Variants in MAP2K2 observed in about 807,000 individuals in gnomAD.
The protein encoded by MAP2K2 is dual specificity mitogen-activated protein kinase kinase 2.
In MAP2K2, 24 loss-of-function variants were observed where a neutral mutation model predicts 43.7. That is an observed-to-expected ratio of 0.55 (90% CI 0.40 to 0.77). MAP2K2 has a LOEUF of 0.77. Among genes scored for constraint, MAP2K2 ranks in the 30% least tolerant of loss-of-function variants. The pLI, the probability that MAP2K2 is intolerant of heterozygous loss-of-function variation, is 0.00. For synonymous variants in MAP2K2, 244 were observed against 239.7 expected, an observed-to-expected ratio of 1.02 and a Z score of -0.17; for missense variants, 470 against 566.8, an observed-to-expected ratio of 0.83 and a Z score of 1.73.
intron 7 of MAP2K2, among the ~76,000 whole-genome samples, chr19:4,098,491 C>A (rs1360698541): frequency 6.6e-6 from 1 of 152,156 alleles, no homozygotes; most frequent in Admixed American, 6.5e-5. Context: ...GCCACCAACT[C>A]TCCCTGATGT....
rs1401542980 is a variant in MAP2K2 at position 4,101,510 on chromosome 19, TGCC to T, written c.529-233_529-231del. 2.6e-5 allele frequency among the ~76,000 whole-genome samples: 4 copies of T among 152,138 alleles called. No individual in the cohort carries two copies. The highest frequency in any genetic ancestry group is 4.4e-5 in the Non-Finnish European group (3 of 68,024). On this transcript the variant is annotated intron_variant, in intron 4 of 10. Transcript: ENST00000262948. This position sits in a 1 kb window ranked among gnomAD's most constrained non-coding sequence, Gnocchi z 6.3. ...TCAACCCCGGTTCCCATGGCCGCAG[TGCC>T]GCCGATGCCACTACTGCCTTTGATT...
At chr19:4,100,933 A>C in intron 6 of MAP2K2, 86 bp downstream of exon 6, 3 of 1,449,026 alleles carry the variant, frequency 2.1e-6, no homozygotes, top group Non-Finnish European at 2.8e-6. Context: ...GCTGAGGGGG[A>C]GAGCTGGCTG....
chr19:4,114,343 G>A (rs2041194140), intron 2 of MAP2K2, among the ~76,000 whole-genome samples: 1 of 152,216 alleles, frequency 6.6e-6, no homozygotes, highest in South Asian at 2.1e-4. Context: ...CGTCAAAGGT[G>A]TTGGCAGCGG....
At position 4,101,023 on chromosome 19, in the gene MAP2K2, A is replaced by G; in HGVS notation, c.701T>C (p.Met234Thr). ...GGAGAGCCAGCGGGGACTCACAGCCATGTAGGAGCGCGTGCCCACGAAGGA... is the reference window on the plus strand; with the variant it reads ...GGAGAGCCAGCGGGGACTCACAGCCGTGTAGGAGCGCGTGCCCACGAAGGA... ...ANSFVGTRSY[M>T]APERLQGTHY... The change falls in exon 6 of 11, where the codon ATG becomes ACG. Residue 234 changes from methionine (M) to threonine (T), a missense_variant. By Grantham distance (81) the Met-to-Thr change is moderately conservative. Transcript: ENST00000262948. This position sits in a 1 kb window ranked among gnomAD's most constrained non-coding sequence, Gnocchi z 6.3. 1 of 1,558,576 alleles carries G rather than the reference A, an allele frequency of 6.4e-7. No homozygotes were observed. The highest frequency in any genetic ancestry group is 8.7e-7 in the Non-Finnish European group (1 of 1,151,902).
chr19:4,121,965 T>C (rs2145086662), intron 1 of MAP2K2, among the ~76,000 whole-genome samples: 1 of 138,562 alleles, frequency 7.2e-6, no homozygotes, highest in East Asian at 2.3e-4. Context: ...TGGTTGTCTA[T>C]GGACCTCCTC....
At chr19:4,102,059 TCCTGTCC>T (rs2041019164) in intron 4 of MAP2K2, among the ~76,000 whole-genome samples, 1 of 151,950 alleles carries the variant, frequency 6.6e-6, no homozygotes, top group South Asian at 2.1e-4. Context: ...TTCAACAAGC[TCCTGTCC>T]CCTGCAACGT....
chr19:4,100,829 G>C (rs1022564187), intron 6 of MAP2K2, 190 bp downstream of exon 6: 7 of 674,264 alleles, frequency 1.0e-5, no homozygotes, highest in Non-Finnish European at 1.8e-5. Flanking sequence ...AGGAGTGTGT[G>C]CCCACGAAAT....
rs1380537640 is a variant in MAP2K2 at position 4,101,638 on chromosome 19, A to G, written c.529-358T>C. Among the ~76,000 whole-genome samples, 1 of 152,162 alleles carries G rather than the reference A, an allele frequency of 6.6e-6. No homozygotes were observed. The stretch of plus-strand genomic sequence containing the variant: ...TGCCCACATCAGCCTGAAAGGCAGC[A>G]TCTGGGGTCCCAGGGACTGTGCTAA... On this transcript the variant is annotated intron_variant, in intron 4 of 10. Coordinates refer to ENST00000262948, the MANE Select transcript of MAP2K2 (RefSeq NM_030662.4). The surrounding 1 kb of genome is among the most constrained non-coding windows in gnomAD (Gnocchi z 6.3).
At chr19:4,114,766 T>C (rs1050371668) in intron 2 of MAP2K2, among the ~76,000 whole-genome samples, 2 of 152,020 alleles carry the variant, frequency 1.3e-5, no homozygotes, top group African/African-American at 2.4e-5. Context: ...CTGGCCAACA[T>C]GGTGAAACCC....
In MAP2K2 at chr19:4,123,914, G is replaced by T; in HGVS notation, c.-39C>A. 8.1e-7 allele frequency: 1 copy of T among 1,227,400 alleles called. No homozygotes were observed. The highest frequency in any genetic ancestry group is 1.0e-6 in the Non-Finnish European group (1 of 955,048). The allele number at this position is 1,227,400 out of a possible 1,614,324, so 76.0% of individuals were successfully genotyped here. On this transcript the variant is annotated 5_prime_UTR_variant, in exon 1 of 11. Coordinates refer to ENST00000262948, the MANE Select transcript of MAP2K2 (RefSeq NM_030662.4). ...GCCGGCGGCGGCGGCGCCTCTAGCC[G>T]GGGCCCATAGGGGGCGGGCCGGGAG...
At chr19:4,121,648 C>A (rs2041295856) in intron 1 of MAP2K2, among the ~76,000 whole-genome samples, 1 of 99,326 alleles carries the variant, frequency 1.0e-5, no homozygotes, top group Non-Finnish European at 2.1e-5. Flanking sequence ...CAACCTGACC[C>A]CCCCCACAAC....
At chr19:4,099,059 G>A in intron 7 of MAP2K2, 142 bp downstream of exon 7, 1 of 702,070 alleles carries the variant, frequency 1.4e-6, no homozygotes. Context: ...GACCATGGGA[G>A]GACTGCTGAC....
intron 2 of MAP2K2, among the ~76,000 whole-genome samples, chr19:4,111,086 G>A (rs1490922177): frequency 1.3e-5 from 2 of 152,216 alleles, no homozygotes; most frequent in Admixed American, 6.5e-5. Flanking sequence ...GTCCAGGACA[G>A]GCTGATCCAG....
intron 1 of MAP2K2, among the ~76,000 whole-genome samples, chr19:4,117,963 A>T (rs2041247416): frequency 1.3e-5 from 2 of 151,594 alleles, no homozygotes; most frequent in South Asian, 4.2e-4. Context: ...TTTGAGACGG[A>T]GTCTCCCTCT....
chr19:4,122,143 A>T (rs1297974954), intron 1 of MAP2K2, among the ~76,000 whole-genome samples: 1 of 99,036 alleles, frequency 1.0e-5, no homozygotes, highest in Non-Finnish European at 2.1e-5. Flanking sequence ...TGCACTCTCA[A>T]CCTGTGGCTC....
At position 4,094,500 on chromosome 19, in the gene MAP2K2, TG is replaced by T. The variant is rs2145041928; in HGVS notation, c.1047-3del. 1 of 1,569,776 alleles carries T rather than the reference TG, an allele frequency of 6.4e-7. No homozygotes were observed. The highest frequency in any genetic ancestry group is 8.6e-7 in the Non-Finnish European group (1 of 1,156,720). ...CGCTCCGCTGGGTTCTTGATGAGGC[TG>T]GGGGTTCCAAGAGGCAGGACCGGGA... On this transcript the variant is annotated splice_polypyrimidine_tract_variant and splice_region_variant and intron_variant, in intron 9 of 10. Transcript: ENST00000262948.
chr19:4,113,507 AC>A (rs2041181792), intron 2 of MAP2K2, among the ~76,000 whole-genome samples: 1 of 152,032 alleles, frequency 6.6e-6, no homozygotes, highest in African/African-American at 2.4e-5. Context: ...GTACTGCCCC[AC>A]TGGTGCTGAC....
At chr19:4,108,415 TG>T (rs374417025) in intron 3 of MAP2K2, among the ~76,000 whole-genome samples, 2 of 147,502 alleles carry the variant, frequency 1.4e-5, no homozygotes, top group Admixed American at 1.4e-4. Context: ...TAATTTTTTT[TG>T]TATTTTTTTT....
chr19:4,096,190 G>A (rs903439091), intron 8 of MAP2K2, among the ~76,000 whole-genome samples: 5 of 152,210 alleles, frequency 3.3e-5, no homozygotes, highest in South Asian at 2.1e-4. Flanking sequence ...CCTTTCCCGC[G>A]CAGGGGCAGG....
Sources: gnomAD v4.1 joint callset for allele counts (sites outside exome capture counted in the v4.1 genomes callset) on GRCh38, gnomAD v4.1.1 for gene constraint, Gnocchi (gnomAD v3.1) non-coding constraint, MANE v1.5 for transcripts, NCBI Gene and HGNC (gene_info 2026-07-23, HGNC 2026-07-21) for gene names.